Variants in RNF213 observed in about 807,000 individuals in gnomAD.
RNF213 encodes ring finger protein 213, also known as E3 ubiquitin-protein ligase RNF213.
A neutral mutation model predicts 514.4 loss-of-function variants in RNF213; 341 were observed. The ratio of observed to expected loss-of-function variants is 0.66; its 90% CI spans 0.61 to 0.73. The LOEUF is 0.73. RNF213 is among the 30% of genes least tolerant of loss of function. The probability of loss-of-function intolerance (pLI) is 0.00; values close to 1 mark genes in which losing one functional copy is unlikely to be tolerated. For synonymous variants in RNF213, 2,655 were observed against 2,658.2 expected, an observed-to-expected ratio of 1.00 and a Z score of 0.04; for missense variants, 5,767 against 6,615.6, an observed-to-expected ratio of 0.87 and a Z score of 4.45.
intron 3 of RNF213, among the ~76,000 whole-genome samples, chr17:80,277,882 A>G (rs1342872669): frequency 1.3e-5 from 2 of 152,246 alleles, no homozygotes; most frequent in African/African-American, 4.8e-5. Context: ...CTGCGTGGCC[A>G]GCCTCACCCT....
At chr17:80,357,174 C>T (rs2078860260) in intron 36 of RNF213, among the ~76,000 whole-genome samples, 1 of 152,188 alleles carries the variant, frequency 6.6e-6, no homozygotes, top group South Asian at 2.1e-4. Context: ...GCCTCAGCCT[C>T]CCAACGTGCT....
At chr17:80,357,096 T>C (rs2078856976) in intron 36 of RNF213, among the ~76,000 whole-genome samples, 1 of 152,092 alleles carries the variant, frequency 6.6e-6, no homozygotes, top group Admixed American at 6.5e-5. Flanking sequence ...TTTGTATTTT[T>C]AGTAGAGACG....
chr17:80,313,222 A>T (rs1288324267), intron 15 of RNF213, 55 bp downstream of exon 15: 1 of 1,607,712 alleles, frequency 6.2e-7, no homozygotes, highest in African/African-American at 1.3e-5. Context: ...GTGATTCCTC[A>T]TGGCCTCAAA....
intron 14 of RNF213, among the ~76,000 whole-genome samples, chr17:80,311,203 C>T (rs1365877350): frequency 2.0e-5 from 3 of 152,134 alleles, no homozygotes; most frequent in Non-Finnish European, 4.4e-5. Context: ...AGCAAACAAA[C>T]AAACAAAAAA....
chr17:80,287,881 T>A lies in RNF213; in HGVS notation c.328T>A (p.Leu110Met). ...NKSASSELAS[L>M]PLSPASPCHL... ...GTCCGCTTCCTCAGAGCTGGCTTCC[T>A]TGCCCCTTTCTCCTGCCAGCCCCTG... The change falls in exon 4 of 68, where the codon TTG (leucine) becomes ATG (methionine). Residue 110 changes from leucine (L) to methionine (M), a missense_variant. By Grantham distance (15) the Leu-to-Met change is conservative (BLOSUM62 2). Around this residue, in one of 13 missense-constraint regions of RNF213, gnomAD observed 509 missense variants for 496.7 expected, o/e 1.02. Coordinates refer to ENST00000582970, the MANE Select transcript of RNF213 (RefSeq NM_001256071.3). 6.3e-7 allele frequency: 1 copy of A among 1,592,234 alleles called. No individual in the cohort carries two copies. The highest frequency in any genetic ancestry group is 1.1e-5 in the South Asian group (1 of 88,516).
chr17:80,280,861 A>G (rs2044232089), intron 3 of RNF213, among the ~76,000 whole-genome samples: 1 of 152,084 alleles, frequency 6.6e-6, no homozygotes, highest in African/African-American at 2.4e-5. Flanking sequence ...AAAGCTGTCA[A>G]CGTACACGGG....
chr17:80,323,976 T>C (rs979866517), intron 17 of RNF213, among the ~76,000 whole-genome samples: 4 of 151,990 alleles, frequency 2.6e-5, no homozygotes, highest in Admixed American at 2.0e-4. Flanking sequence ...AAATTGTGTG[T>C]GCGTGTGTGT....
intron 42 of RNF213, among the ~76,000 whole-genome samples, chr17:80,366,851 A>C (rs2079295808): frequency 6.6e-6 from 1 of 152,244 alleles, no homozygotes; most frequent in Non-Finnish European, 1.5e-5. Flanking sequence ...ACATAATATT[A>C]AGATGTCTAT....
chr17:80,314,079 GTGGAGGTGA>G (rs1388898596), intron 15 of RNF213, among the ~76,000 whole-genome samples: 1 of 95,522 alleles, frequency 1.0e-5, no homozygotes, highest in African/African-American at 4.7e-5. Context: ...GATGGTGGTG[GTGGAGGTGA>G]TGGTGGAGGT....
intron 23 of RNF213, among the ~76,000 whole-genome samples, chr17:80,337,220 G>A (rs1294029360): frequency 2.6e-5 from 4 of 152,240 alleles, no homozygotes; most frequent in African/African-American, 9.6e-5. Flanking sequence ...GTCACCCCCA[G>A]AGGGTTCTCT....
chr17:80,311,367 G>A (rs199572015), intron 14 of RNF213, among the ~76,000 whole-genome samples: 1 of 152,168 alleles, frequency 6.6e-6, no homozygotes, highest in Non-Finnish European at 1.5e-5. Context: ...GCCTCTGAGC[G>A]GTCATTCAGT....
rs144912419 is a variant in RNF213 at position 80,290,606 on chromosome 17, C to G, written c.1149C>G (p.Phe383Leu). 10 of 1,614,024 alleles carry G rather than the reference C, an allele frequency of 6.2e-6. No individual in the cohort carries two copies. In the African/African-American group the frequency reaches 9.3e-5, roughly 15 times the overall value. Residue 383 changes from phenylalanine (F) to leucine (L), a missense_variant, in exon 7 of 68, where the codon TTC becomes TTG. By Grantham distance (22) the Phe-to-Leu change is conservative (BLOSUM62 0). Coordinates refer to ENST00000582970, the MANE Select transcript of RNF213 (RefSeq NM_001256071.3). The part of the protein sequence containing the change: ...LSPGGGVTVF[F>L]HAIISLHFPF... ...CGGGTGGAGGAGTCACCGTGTTCTT[C>G]CACGCCATCATCTCTCTTCATTTCC... is the stretch of plus-strand genomic sequence containing the variant.
chr17:80,353,874 C>A lies in RNF213; in HGVS notation c.10579-145C>A. 1.6e-6 allele frequency: 2 copies of A among 1,217,898 alleles called. No individual in the cohort carries two copies. The highest frequency in any genetic ancestry group is 1.3e-5 in the South Asian group (1 of 77,736). 75.4% of individuals were successfully genotyped at this position (1,217,898 alleles called of 1,614,324 possible). A position where few individuals can be genotyped will look rare whatever the true frequency, so the allele number is the denominator to read the frequency against. ...CACCGGCAGTTTGGGGGGTGCAGGG[C>A]GGAGGTCGGCGTCTCTTCTTTGTCC... On this transcript the variant is annotated intron_variant, in intron 34 of 67. Transcript: ENST00000582970. The surrounding 1 kb of genome is among the most constrained non-coding windows in gnomAD (Gnocchi z 5.0).
intron 14 of RNF213, among the ~76,000 whole-genome samples, chr17:80,312,463 A>G (rs1156252594): frequency 7.6e-6 from 1 of 131,574 alleles, no homozygotes; most frequent in Non-Finnish European, 1.6e-5. Flanking sequence ...GTGGTCTGGC[A>G]TGGAGGCAGG....
rs780034799 is a variant in RNF213 at position 80,354,106 on chromosome 17, C to T, written c.10666C>T (p.Arg3556Cys). The change falls in exon 35 of 68, where the codon CGC (arginine) becomes TGC (cysteine). Residue 3556 changes from arginine (R) to cysteine (C), a missense_variant. Physicochemically the swap from Arg to Cys is radical, Grantham distance 180 (BLOSUM62 -3). This residue lies in a region of RNF213 where 919 missense variants were observed against 1,121.0 expected (regional missense o/e 0.82). Transcript: ENST00000582970. ...MLRDQNESCT[R>C]NMRRVVLLLG... The stretch of plus-strand genomic sequence containing the variant: ...CAGAGACCAGAACGAGAGCTGCACG[C>T]GCAATATGCGGAGGGTGGTGCTCCT... The T allele has an allele frequency of 1.1e-5, 17 of 1,613,960 alleles. No individual in the cohort carries two copies. The highest frequency in any genetic ancestry group is 1.2e-5 in the Non-Finnish European group (14 of 1,180,042).
chr17:80,353,938 C>A lies in RNF213; in HGVS notation c.10579-81C>A. ...CCCTGTGCTGTTTGCTGCATTGAGACCCTCATCGCATACGGGCGGTTTGGC... is the reference window on the plus strand; with the variant it reads ...CCCTGTGCTGTTTGCTGCATTGAGAACCTCATCGCATACGGGCGGTTTGGC... On this transcript the variant is annotated intron_variant, in intron 34 of 67. Transcript: ENST00000582970. This position sits in a 1 kb window ranked among gnomAD's most constrained non-coding sequence, Gnocchi z 5.0. The A allele has an allele frequency of 4.5e-6, 7 of 1,556,910 alleles. No homozygotes were observed. The highest frequency in any genetic ancestry group is 2.3e-5 in the South Asian group (2 of 88,844).
chr17:80,299,534 G>GTTTGTTTA (rs1555648304), intron 11 of RNF213, among the ~76,000 whole-genome samples: 1 of 149,864 alleles, frequency 6.7e-6, no homozygotes, highest in African/African-American at 2.5e-5. Flanking sequence ...ACCAGAGAAA[G>GTTTGTTTA]TTTATTTATT....
intron 41 of RNF213, 99 bp downstream of exon 41, chr17:80,363,889 C>T (rs2079150291): frequency 6.7e-6 from 8 of 1,201,710 alleles, no homozygotes; most frequent in Non-Finnish European, 9.6e-6. Flanking sequence ...GGCAGGTGCT[C>T]CTGCCATGGG....
chr17:80,371,879 A>T lies in RNF213; in HGVS notation c.12431A>T (p.His4144Leu). 6.9e-7 allele frequency: 1 copy of T among 1,446,458 alleles called. No homozygotes were observed. Among genetic ancestry groups the T allele is most frequent in the Non-Finnish European group, 9.7e-7 (1 of 1,027,332 alleles). The allele number at this position is 1,446,458 out of a possible 1,614,324, so 89.6% of individuals were successfully genotyped here. ...ILKLLLKYSF[H>L]DVKDYIQEYL... ...TAATATTTCTCTTTCTGCAGCTTTC[A>T]TGATGTAAAAGATTATATTCAGGAA... The change falls in exon 47 of 68, where the codon CAT becomes CTT. Residue 4144 changes from histidine to leucine, a missense_variant. Transcript: ENST00000582970.
Sources: gnomAD v4.1 joint callset for allele counts (sites outside exome capture counted in the v4.1 genomes callset) on GRCh38, gnomAD v4.1.1 for gene constraint, gnomAD v4.1.1 regional missense constraint, Gnocchi (gnomAD v3.1) non-coding constraint, MANE v1.5 for transcripts, NCBI Gene and HGNC (gene_info 2026-07-23, HGNC 2026-07-21) for gene names.